Variants in AMPH observed in about 807,000 individuals in gnomAD.
AMPH encodes amphiphysin, also known as amphiphysin (Stiff-Mann syndrome with breast cancer 128kD autoantigen).
Under a neutral mutation model 99.1 loss-of-function variants are expected in AMPH, and 49 were observed. The observed-to-expected ratio is 0.49, with a 90% CI of 0.39 to 0.63. The LOEUF (loss-of-function observed/expected upper bound fraction) is 0.63, where lower values mean the gene tolerates loss of function less well. Among genes scored for constraint, AMPH ranks in the 20% least tolerant of loss-of-function variants. The probability of loss-of-function intolerance (pLI) is 0.00; values close to 1 mark genes in which losing one functional copy is unlikely to be tolerated. For missense variants in AMPH, 759 were observed against 863.4 expected (o/e 0.88, Z 1.52); for synonymous variants, 314 against 317.3 (o/e 0.99, Z 0.11).
intron 17 of AMPH, among the ~76,000 whole-genome samples, chr7:38,409,719 C>T (rs2128984119): frequency 6.6e-6 from 1 of 152,332 alleles, no homozygotes. Flanking sequence ...AGCAACTCAA[C>T]TGCAGGCAGC....
At chr7:38,386,150 A>T (rs1784342813) in intron 20 of AMPH, among the ~76,000 whole-genome samples, 1 of 152,222 alleles carries the variant, frequency 6.6e-6, no homozygotes, top group African/African-American at 2.4e-5. Context: ...GAGGAAAAAA[A>T]CGACTCAATA....
chr7:38,591,340 T>C (rs575015748), intron 1 of AMPH, among the ~76,000 whole-genome samples: 84 of 149,958 alleles, frequency 5.6e-4, no homozygotes, highest in African/African-American at 2.0e-3. Flanking sequence ...CAGGCTAGAG[T>C]GCAATGGCAT....
intron 1 of AMPH, among the ~76,000 whole-genome samples, chr7:38,539,976 A>G (rs1381205532): frequency 6.6e-6 from 1 of 152,246 alleles, no homozygotes; most frequent in Non-Finnish European, 1.5e-5. Context: ...AGTATTTGAC[A>G]GTGAGCTGAT....
chr7:38,397,833 A>T (rs1189862124), intron 17 of AMPH, among the ~76,000 whole-genome samples: 1 of 152,198 alleles, frequency 6.6e-6, no homozygotes. Flanking sequence ...AATTCCAATT[A>T]AAAAATGGGC....
At position 38,463,042 on chromosome 7, in the gene AMPH, G is replaced by C. The variant is rs1284415051; in HGVS notation, c.821C>G (p.Thr274Arg). ...TGCTAATGTATGATTTGGACTTGCT[G>C]TCGGGCTCGGGAGGGGTGAAGGCTC... Reference protein sequence around the residue: ...PEEPSPLPSPTASPNHTLAPA... With the variant: ...PEEPSPLPSPRASPNHTLAPA... Residue 274 changes from threonine (T) to arginine (R), a missense_variant, in exon 10 of 21, where the codon ACA (threonine) becomes AGA (arginine). Physicochemically the swap from Thr to Arg is moderately conservative, Grantham distance 71. Around this residue, in one of 2 missense-constraint regions of AMPH, gnomAD observed 554 missense variants for 575.6 expected, o/e 0.96. Coordinates refer to ENST00000356264, the MANE Select transcript of AMPH (RefSeq NM_001635.4). The C allele has an allele frequency of 1.2e-6, 2 of 1,611,192 alleles. No individual in the cohort carries two copies. The highest frequency in any genetic ancestry group is 1.7e-6 in the Non-Finnish European group (2 of 1,178,804).
At chr7:38,455,902 G>A (rs923949615) in intron 11 of AMPH, among the ~76,000 whole-genome samples, 5 of 152,194 alleles carry the variant, frequency 3.3e-5, no homozygotes, top group East Asian at 1.9e-4. Context: ...GAGAGGCCTC[G>A]CACTTTCATG....
intron 17 of AMPH, among the ~76,000 whole-genome samples, chr7:38,410,636 G>A (rs1785186610): frequency 6.6e-6 from 1 of 152,228 alleles, no homozygotes; most frequent in South Asian, 2.1e-4. Context: ...GGGGGAGCAG[G>A]AAGAGGTTAT....
intron 2 of AMPH, among the ~76,000 whole-genome samples, chr7:38,512,300 A>G (rs1232189669): frequency 6.6e-6 from 1 of 152,134 alleles, no homozygotes; most frequent in Non-Finnish European, 1.5e-5. Flanking sequence ...AACTCATGCA[A>G]ATCTGAAAAC....
rs138627434 is a variant in AMPH, at chr7:38,400,223, C to T, written c.1399-6009G>A. Among the ~76,000 whole-genome samples, 9 of 152,142 alleles carry T rather than the reference C, an allele frequency of 5.9e-5. No homozygotes were observed. In the East Asian group the frequency reaches 1.8e-3, roughly 30 times the overall value. Reference sequence around the variant, plus strand: ...CCCGAGTAGCTGGGATTACAGGCACCTGCCACCACACCTGGCTAATTTTTT... The same window carrying T: ...CCCGAGTAGCTGGGATTACAGGCACTTGCCACCACACCTGGCTAATTTTTT... On this transcript the variant is annotated intron_variant, in intron 17 of 20. Coordinates refer to ENST00000356264, the MANE Select transcript of AMPH (RefSeq NM_001635.4).
intron 18 of AMPH, 60 bp from the exon 19 acceptor site, chr7:38,392,077 C>A (rs1784517062): frequency 6.5e-7 from 1 of 1,547,308 alleles, no homozygotes. Flanking sequence ...ACCTCCTTGT[C>A]CTGCACAACC....
intron 1 of AMPH, among the ~76,000 whole-genome samples, chr7:38,621,311 G>A (rs1342252434): frequency 2.0e-5 from 3 of 152,112 alleles, no homozygotes; most frequent in Non-Finnish European, 2.9e-5. Context: ...ACTTAGTAGT[G>A]TGTGCAAAAG....
Position 38,490,927 on chromosome 7 carries a change from T to C in AMPH, c.396+123A>G, listed in dbSNP as rs900628079. On this transcript the variant is annotated intron_variant, in intron 5 of 20. Transcript: ENST00000356264. ...CATAAAAATCCCACGCTTAAATAAA[T>C]GAAAAGTTACCAACTATCTTTGATG... The C allele has an allele frequency of 6.4e-6, 4 of 628,356 alleles. No homozygotes were observed. In the Admixed American group the frequency reaches 1.1e-4, roughly 17 times the overall value. 38.9% of individuals were successfully genotyped at this position (628,356 alleles called of 1,614,324 possible).
At chr7:38,507,828 G>A (rs1021374632) in intron 2 of AMPH, among the ~76,000 whole-genome samples, 1 of 152,144 alleles carries the variant, frequency 6.6e-6, no homozygotes, top group Non-Finnish European at 1.5e-5. Context: ...GCAACAGGAG[G>A]GCAGGGGAGT....
chr7:38,614,691 T>C (rs1326337940), intron 1 of AMPH, among the ~76,000 whole-genome samples: 12 of 152,196 alleles, frequency 7.9e-5, no homozygotes, highest in African/African-American at 9.7e-5. Flanking sequence ...TTAACTCAGA[T>C]ACTCAAGCAT....
chr7:38,628,144 G>A lies in AMPH; in HGVS notation c.69+3139C>T, dbSNP rs114833274. On this transcript the variant is annotated intron_variant, in intron 1 of 20. Coordinates refer to ENST00000356264, the MANE Select transcript of AMPH (RefSeq NM_001635.4). ...ACAGAATTGCTACAGAAAACGGGCA[G>A]AAATATAAAAGCACAATTCAAGAAC... Among the ~76,000 whole-genome samples, 1,222 of 152,302 alleles carry A rather than the reference G, an allele frequency of 8.0e-3. 17 individuals carry two copies. Among genetic ancestry groups the A allele is most frequent in the African/African-American group, 0.027 (1,138 of 41,562 alleles).
chr7:38,494,976 G>A (rs1159959180), intron 3 of AMPH, among the ~76,000 whole-genome samples: 1 of 152,136 alleles, frequency 6.6e-6, no homozygotes, highest in East Asian at 1.9e-4. Context: ...TAGGATTATA[G>A]GGCATAACAG....
intron 1 of AMPH, among the ~76,000 whole-genome samples, chr7:38,629,822 C>A (rs1794392011): frequency 6.6e-6 from 1 of 152,158 alleles, no homozygotes; most frequent in Non-Finnish European, 1.5e-5. Flanking sequence ...TAACCCGGGC[C>A]TGGAAGGCAG....
intron 2 of AMPH, among the ~76,000 whole-genome samples, chr7:38,507,273 C>G (rs1789362199): frequency 6.6e-6 from 1 of 152,002 alleles, no homozygotes; most frequent in Admixed American, 6.6e-5. Flanking sequence ...CAAAATTGTA[C>G]AATAATTGCT....
At chr7:38,599,700 G>A (rs1773910148) in intron 1 of AMPH, among the ~76,000 whole-genome samples, 2 of 151,858 alleles carry the variant, frequency 1.3e-5, no homozygotes, top group Non-Finnish European at 2.9e-5. Flanking sequence ...AAATTGCTAT[G>A]TTCTTATACA....
Sources: allele counts gnomAD v4.1 joint callset (sites outside exome capture counted in the v4.1 genomes callset), GRCh38; gene constraint gnomAD v4.1.1; regional missense constraint gnomAD v4.1.1; transcripts MANE v1.5; gene names NCBI Gene and HGNC (gene_info 2026-07-23, HGNC 2026-07-21).